Variants in SCAF8 observed in about 807,000 individuals in gnomAD.
SCAF8 encodes SR-related and CTD-associated factor 8.
In SCAF8, 23 loss-of-function variants were observed where a neutral mutation model predicts 140.5. That is an observed-to-expected ratio of 0.16 (90% CI 0.12 to 0.23). SCAF8 has a LOEUF of 0.23. Among genes scored for constraint, SCAF8 ranks in the 10% least tolerant of loss-of-function variants. The probability of loss-of-function intolerance (pLI) is 1.00; values close to 1 mark genes in which losing one functional copy is unlikely to be tolerated. For synonymous variants in SCAF8, 575 were observed against 528.9 expected (o/e 1.09, Z -1.20); for missense variants, 1,397 against 1,555.7 (o/e 0.90, Z 1.72).
At chr6:154,819,862 G>A (rs1778361289) in intron 14 of SCAF8, among the ~76,000 whole-genome samples, 1 of 151,950 alleles carries the variant, frequency 6.6e-6, no homozygotes, top group South Asian at 2.1e-4. Flanking sequence ...GGTGTTGCCT[G>A]CCTGCAGTCC....
chr6:154,784,080 G>T (rs1297589109), intron 3 of SCAF8, among the ~76,000 whole-genome samples: 1 of 143,480 alleles, frequency 7.0e-6, no homozygotes, highest in African/African-American at 2.6e-5. Flanking sequence ...AAAATAAAAA[G>T]AAAGATGGCT....
chr6:154,803,523 G>A (rs973659650), intron 7 of SCAF8, 21 bp from the exon 8 acceptor site: 2 of 1,581,742 alleles, frequency 1.3e-6, no homozygotes, highest in Non-Finnish European at 1.7e-6. Context: ...TAATATGTCT[G>A]TTTCTCCTTC....
rs1357841806 is a variant in SCAF8 at position 154,733,478 on chromosome 6, G to GT, written c.-421dup. 1.5e-6 allele frequency: 2 copies of GT among 1,351,372 alleles called. No individual in the cohort carries two copies. Among genetic ancestry groups the GT allele is most frequent in the African/African-American group, 3.1e-5 (2 of 65,342 alleles). 83.7% of individuals were successfully genotyped at this position (1,351,372 alleles called of 1,614,324 possible). A position where few individuals can be genotyped will look rare whatever the true frequency, so the allele number is the denominator to read the frequency against. On this transcript the variant is annotated 5_prime_UTR_variant, in exon 1 of 20. The change abolishes the stop of an existing upstream ORF in the 5' untranslated region. Coordinates refer to ENST00000367178, the MANE Select transcript of SCAF8 (RefSeq NM_014892.5). ...CCTCTGTCTTCGCCGAGCGGGGCTG[G>GT]TTCCTGCGGCCCGAGCGGCGGGGAG...
chr6:154,745,493 C>T (rs1035618560), intron 1 of SCAF8, among the ~76,000 whole-genome samples: 18 of 152,122 alleles, frequency 1.2e-4, no homozygotes. Context: ...TTGACATCAG[C>T]CTTCTGAGTA....
In SCAF8 at chr6:154,788,034, G is replaced by T. The variant is rs772112576; in HGVS notation, c.321+12G>T. 2.7e-5 allele frequency: 34 copies of T among 1,237,410 alleles called. No individual in the cohort carries two copies. The highest frequency in any genetic ancestry group is 7.1e-5 in the Admixed American group (3 of 41,978). 76.7% of individuals were successfully genotyped at this position (1,237,410 alleles called of 1,614,324 possible). ...CTGGGGATGACAAGGTATGCTACTGGTTTTTTTTTTTTGTTTTTTTAAAAG... is the reference window on the plus strand; with the variant it reads ...CTGGGGATGACAAGGTATGCTACTGTTTTTTTTTTTTTGTTTTTTTAAAAG... On this transcript the variant is annotated intron_variant, in intron 4 of 19. Transcript: ENST00000367178.
chr6:154,763,221 C>T (rs1247904630), intron 1 of SCAF8, among the ~76,000 whole-genome samples: 1 of 151,984 alleles, frequency 6.6e-6, no homozygotes, highest in Non-Finnish European at 1.5e-5. Context: ...TCTTTATTGT[C>T]CTCCCAGTAA....
At chr6:154,789,319 G>A (rs561478794) in intron 4 of SCAF8, among the ~76,000 whole-genome samples, 1 of 151,764 alleles carries the variant, frequency 6.6e-6, no homozygotes, top group African/African-American at 2.4e-5. Flanking sequence ...TGCCATGTTG[G>A]GTAGGCTGGT....
intron 3 of SCAF8, 148 bp downstream of exon 3, chr6:154,778,193 A>G: frequency 1.8e-6 from 1 of 561,976 alleles, no homozygotes; most frequent in Non-Finnish European, 3.1e-6. Flanking sequence ...AAGAAATAAA[A>G]TAAAAGTGCC....
chr6:154,803,261 C>T (rs1777821193), intron 7 of SCAF8, among the ~76,000 whole-genome samples: 1 of 152,042 alleles, frequency 6.6e-6, no homozygotes, highest in Non-Finnish European at 1.5e-5. Flanking sequence ...CATGGAAAAA[C>T]CACCTAATTA....
intron 9 of SCAF8, among the ~76,000 whole-genome samples, chr6:154,805,763 T>C (rs936501720): frequency 3.3e-5 from 5 of 152,102 alleles, no homozygotes; most frequent in Admixed American, 2.0e-4. Flanking sequence ...TAGAAATTAA[T>C]TTCAGTGTAC....
intron 1 of SCAF8, among the ~76,000 whole-genome samples, chr6:154,746,196 A>AT (rs1478656860): frequency 6.6e-6 from 1 of 151,952 alleles, no homozygotes; most frequent in Non-Finnish European, 1.5e-5. Context: ...AAACTCATGG[A>AT]TTTTTTTCTT....
chr6:154,748,500 A>G (rs1335796220), intron 1 of SCAF8, among the ~76,000 whole-genome samples: 1 of 152,180 alleles, frequency 6.6e-6, no homozygotes, highest in Admixed American at 6.5e-5. Context: ...TTTGAATAAA[A>G]ATTGTCGAGA....
chr6:154,773,827 T>C (rs1004392829), intron 1 of SCAF8, among the ~76,000 whole-genome samples, 162 bp from the exon 2 acceptor site: 1 of 152,214 alleles, frequency 6.6e-6, no homozygotes. Flanking sequence ...CTCATTATAG[T>C]TTTGATTTGC....
intron 9 of SCAF8, 91 bp from the exon 10 acceptor site, chr6:154,807,979 A>G (rs1192192276): frequency 8.7e-7 from 1 of 1,143,594 alleles, no homozygotes; most frequent in East Asian, 2.5e-5. Context: ...ATGTTTTTAA[A>G]CATGTAATTG....
intron 4 of SCAF8, among the ~76,000 whole-genome samples, chr6:154,790,426 T>A (rs1453618433): frequency 6.6e-6 from 1 of 151,408 alleles, no homozygotes; most frequent in Non-Finnish European, 1.5e-5. Flanking sequence ...GGATTTAAAG[T>A]TGAACCAGAT....
chr6:154,771,204 A>G (rs1225508904), intron 1 of SCAF8, among the ~76,000 whole-genome samples: 1 of 152,262 alleles, frequency 6.6e-6, no homozygotes, highest in Non-Finnish European at 1.5e-5. Flanking sequence ...AATGCTTCAC[A>G]GGTATTATAA....
intron 3 of SCAF8, among the ~76,000 whole-genome samples, chr6:154,781,431 A>G (rs562354103): frequency 4.0e-4 from 61 of 152,314 alleles, no homozygotes; most frequent in South Asian, 4.1e-4. Flanking sequence ...AATTTATAGA[A>G]TAAATGGTAT....
At chr6:154,754,475 A>G (rs1778916045) in intron 1 of SCAF8, among the ~76,000 whole-genome samples, 1 of 152,208 alleles carries the variant, frequency 6.6e-6, no homozygotes, top group African/African-American at 2.4e-5. Flanking sequence ...CAGTTCCATA[A>G]CTCACAAGCA....
intron 10 of SCAF8, 81 bp downstream of exon 10, chr6:154,808,282 C>G (rs1194775611): frequency 1.7e-5 from 23 of 1,327,908 alleles, no homozygotes; most frequent in Non-Finnish European, 1.4e-5. Context: ...TAGCAGTGCC[C>G]TGAATATATT....
Sources: gnomAD v4.1 joint callset for allele counts (sites outside exome capture counted in the v4.1 genomes callset) on GRCh38, gnomAD v4.1.1 for gene constraint, MANE v1.5 for transcripts, NCBI Gene and HGNC (gene_info 2026-07-23, HGNC 2026-07-21) for gene names.